The following SLC47A1 variants were observed in gnomAD, a reference collection of about 807,000 sequenced individuals.
The protein encoded by SLC47A1 is solute carrier family 47 member 1.
SLC47A1 carries 58 observed loss-of-function variants against 65.8 expected under a neutral mutation model. The observed-to-expected ratio is 0.88, with a 90% confidence interval of 0.71 to 1.10. The LOEUF (loss-of-function observed/expected upper bound fraction) is 1.10, where lower values mean the gene tolerates loss of function less well. Among genes scored for constraint, SLC47A1 ranks in the 50% least tolerant of loss-of-function variants. The probability of loss-of-function intolerance (pLI) is 0.00; values close to 1 mark genes in which losing one functional copy is unlikely to be tolerated. For synonymous variants in SLC47A1, 285 were observed against 295.0 expected, an observed-to-expected ratio of 0.97 and a Z score of 0.35; for missense variants, 706 against 719.2, an observed-to-expected ratio of 0.98 and a Z score of 0.21.
intron 1 of SLC47A1, among the ~76,000 whole-genome samples, chr17:19,537,452 C>G (rs1289914700): frequency 6.6e-6 from 1 of 152,166 alleles, no homozygotes; most frequent in African/African-American, 2.4e-5. Flanking sequence ...CAGGCCTAGG[C>G]CCGAGGAGGG....
chr17:19,538,428 G>C (rs940831943), intron 1 of SLC47A1, among the ~76,000 whole-genome samples: 1 of 152,240 alleles, frequency 6.6e-6, no homozygotes, highest in Non-Finnish European at 1.5e-5. Flanking sequence ...TCACTATCCG[G>C]GGAAAAGATC....
chr17:19,550,798 T>C (rs1260402453), intron 5 of SLC47A1, among the ~76,000 whole-genome samples: 1 of 152,186 alleles, frequency 6.6e-6, no homozygotes, highest in Non-Finnish European at 1.5e-5. Context: ...CCTCTCTCCT[T>C]GGCCTGTGGA....
At chr17:19,576,780 C>T (rs2084443621) in intron 16 of SLC47A1, among the ~76,000 whole-genome samples, 1 of 151,236 alleles carries the variant, frequency 6.6e-6, no homozygotes, top group Non-Finnish European at 1.5e-5. Context: ...GCTCTTGTTG[C>T]CCAGGCTAGA....
Position 19,539,845 on chromosome 17 carries a change from A to G in SLC47A1, c.136-2548A>G, listed in dbSNP as rs1916091645. ...AGGCTCCCAGGTGGCCCTTATGTAC[A>G]TGATCCACAGTCTATGGCCAAGCGT... is the stretch of plus-strand genomic sequence containing the variant. On this transcript the variant is annotated intron_variant, in intron 1 of 16. Transcript: ENST00000270570. 1.3e-5 allele frequency among the ~76,000 whole-genome samples: 2 copies of G among 152,074 alleles called. 1 individual carries two copies. Among genetic ancestry groups the G allele is most frequent in the South Asian group, 4.1e-4 (2 of 4,822 alleles).
Position 19,571,560 on chromosome 17 carries a change from A to C in SLC47A1, c.1392A>C (p.Lys464Asn), listed in dbSNP as rs1055762269. Residue 464 changes from lysine (K) to asparagine (N), a missense_variant, in exon 15 of 17, where the codon AAA (lysine) becomes AAC (asparagine). Physicochemically the swap from Lys to Asn is moderately conservative, Grantham distance 94 (BLOSUM62 0). Transcript: ENST00000270570. Reference sequence around the variant, plus strand: ...TTATTATTCAGCTAAATTGGAAAAAAGCCTGTCAGCAGGTAACTATGTTCA... The same window carrying C: ...TTATTATTCAGCTAAATTGGAAAAACGCCTGTCAGCAGGTAACTATGTTCA... ...LGFIIQLNWKKACQQAQVHAN... is the reference protein window; with the variant it reads ...LGFIIQLNWKNACQQAQVHAN... 9 of 1,613,708 alleles carry C rather than the reference A, an allele frequency of 5.6e-6. No individual in the cohort carries two copies. In the African/African-American group the frequency reaches 1.1e-4, roughly 19 times the overall value.
chr17:19,573,226 G>A (rs942649579), intron 16 of SLC47A1, among the ~76,000 whole-genome samples: 2 of 152,180 alleles, frequency 1.3e-5, no homozygotes, highest in Non-Finnish European at 2.9e-5. Context: ...CTTTAAACAG[G>A]TCGTTGCTTG....
intron 15 of SLC47A1, among the ~76,000 whole-genome samples, chr17:19,572,058 G>T (rs573137292): frequency 6.6e-6 from 1 of 152,284 alleles, no homozygotes; most frequent in Admixed American, 6.5e-5. Flanking sequence ...GGAGGCTGAG[G>T]CAGGAGGATC....
At chr17:19,571,443 T>C (rs748673482) in intron 14 of SLC47A1, 35 bp from the exon 15 acceptor site, 2 of 1,581,692 alleles carry the variant, frequency 1.3e-6, no homozygotes, top group South Asian at 1.1e-5. Context: ...TGGTTTTCTA[T>C]GGAATTAACC....
Position 19,572,850 on chromosome 17 carries a change from C to T in SLC47A1, c.1475C>T (p.Pro492Leu), listed in dbSNP as rs752921546. Residue 492 changes from proline to leucine, a missense_variant, in exon 16 of 17, where the codon CCG becomes CTG. Pro to Leu is a moderately conservative substitution (Grantham distance 98). Transcript: ENST00000270570. ...RSGNSALPQD[P>L]LHPGCPENLE... is the part of the protein sequence containing the mutation. ...GGGAATTCTGCTCTCCCTCAGGATCCGCTTCACCCAGGTAAGATATGACTC... is the reference window on the plus strand; with the variant it reads ...GGGAATTCTGCTCTCCCTCAGGATCTGCTTCACCCAGGTAAGATATGACTC... 1.5e-5 allele frequency: 24 copies of T among 1,614,022 alleles called. No individual in the cohort carries two copies. In the Middle Eastern group the frequency reaches 1.8e-3, roughly 122 times the overall value.
At chr17:19,545,253 G>A (rs1275963451) in intron 2 of SLC47A1, among the ~76,000 whole-genome samples, 1 of 151,934 alleles carries the variant, frequency 6.6e-6, no homozygotes, top group Non-Finnish European at 1.5e-5. Flanking sequence ...GGAGTGCAGT[G>A]GCACGATCTC....
intron 6 of SLC47A1, among the ~76,000 whole-genome samples, chr17:19,552,732 A>G (rs986192106): frequency 1.3e-5 from 2 of 152,046 alleles, no homozygotes; most frequent in African/African-American, 4.8e-5. Flanking sequence ...TTGGGAAGGA[A>G]GGCAGGGGAT....
At chr17:19,559,232 C>G (rs2084288259) in intron 10 of SLC47A1, among the ~76,000 whole-genome samples, 1 of 152,180 alleles carries the variant, frequency 6.6e-6, no homozygotes, top group Non-Finnish European at 1.5e-5. Flanking sequence ...GATAAAGTGG[C>G]TGTGCTGGGA....
At chr17:19,573,544 A>G (rs997499590) in intron 16 of SLC47A1, among the ~76,000 whole-genome samples, 15 of 146,526 alleles carry the variant, frequency 1.0e-4, no homozygotes, top group Admixed American at 3.4e-4. Flanking sequence ...TTTTTTAAAT[A>G]GAAAGAGGGT....
chr17:19,566,397 A>G (rs531186717), intron 12 of SLC47A1, among the ~76,000 whole-genome samples: 6 of 152,228 alleles, frequency 3.9e-5, no homozygotes, highest in African/African-American at 9.6e-5. Flanking sequence ...GCTGGCCTCA[A>G]TGCATGTGCA....
At position 19,551,409 on chromosome 17, in the gene SLC47A1, CTTG is replaced by C. The variant is rs780499220; in HGVS notation, c.499-12_499-10del. Reference sequence around the variant, plus strand: ...GGCTGAAACATTAACATTCATCTCTCTTGTTCTCTTGTAGGCAACCTTTCTTTA... The same window carrying C: ...GGCTGAAACATTAACATTCATCTCTCTTCTCTTGTAGGCAACCTTTCTTTA... On this transcript the variant is annotated splice_polypyrimidine_tract_variant and intron_variant, in intron 5 of 16. Transcript: ENST00000270570. 8 of 1,595,964 alleles carry C rather than the reference CTTG, an allele frequency of 5.0e-6. No homozygotes were observed. The East Asian group carries it at 1.6e-4, about 31-fold the overall frequency.
At chr17:19,548,188 C>A in intron 4 of SLC47A1, 55 bp downstream of exon 4, 1 of 1,577,692 alleles carries the variant, frequency 6.3e-7, no homozygotes, top group Non-Finnish European at 8.6e-7. Flanking sequence ...GAAAGATTAT[C>A]CTGTCTGGGT....
At chr17:19,576,189 G>A (rs2084438103) in intron 16 of SLC47A1, among the ~76,000 whole-genome samples, 1 of 151,090 alleles carries the variant, frequency 6.6e-6, no homozygotes, top group African/African-American at 2.4e-5. Flanking sequence ...TTCAAGGCCT[G>A]TTGATCTCCA....
chr17:19,553,384 T>C (rs1916509213), intron 6 of SLC47A1, among the ~76,000 whole-genome samples: 1 of 152,158 alleles, frequency 6.6e-6, no homozygotes, highest in South Asian at 2.1e-4. Context: ...TGGAATTCCG[T>C]GGCCTCAGCC....
chr17:19,555,782 T>A lies in SLC47A1; in HGVS notation c.740-14T>A. On this transcript the variant is annotated splice_polypyrimidine_tract_variant and intron_variant, in intron 8 of 16. Transcript: ENST00000270570. ...TGGCCAGATCTCCTGGAAATGTGTG[T>A]GTCCCCCCCACAGGCTGGTCCCTCG... 6.2e-7 allele frequency: 1 copy of A among 1,613,196 alleles called. No individual in the cohort carries two copies. Among genetic ancestry groups the A allele is most frequent in the Non-Finnish European group, 8.5e-7 (1 of 1,179,680 alleles).
Sources: gnomAD v4.1 joint callset for allele counts (sites outside exome capture counted in the v4.1 genomes callset) on GRCh38, gnomAD v4.1.1 for gene constraint, MANE v1.5 for transcripts, NCBI Gene and HGNC (gene_info 2026-07-23, HGNC 2026-07-21) for gene names.